The following GADL1 variants were observed in gnomAD, a reference collection of about 807,000 sequenced individuals.
The protein encoded by GADL1 is acidic amino acid decarboxylase GADL1.
A neutral mutation model predicts 69.5 loss-of-function variants in GADL1; 71 were observed. The ratio of observed to expected loss-of-function variants is 1.02; its 90% CI spans 0.84 to 1.25. The LOEUF is 1.25. Ranked by LOEUF, GADL1 falls within the 50% of genes most tolerant of loss-of-function variation. The pLI, the probability that GADL1 is intolerant of heterozygous loss-of-function variation, is 0.00. For missense variants in GADL1, 737 were observed against 631.8 expected, an observed-to-expected ratio of 1.17 and a Z score of -1.79; for synonymous variants, 254 against 214.4, an observed-to-expected ratio of 1.18 and a Z score of -1.62.
chr3:30,888,333 A>C (rs1254239514), intron 1 of GADL1, among the ~76,000 whole-genome samples: 1 of 152,176 alleles, frequency 6.6e-6, no homozygotes, highest in Admixed American at 6.5e-5. Context: ...TTACGAGTGT[A>C]CAAAATAATA....
intron 14 of GADL1, among the ~76,000 whole-genome samples, chr3:30,759,257 TTAATTATCTA>T (rs1367766975): frequency 1.0e-4 from 7 of 67,218 alleles, no homozygotes; most frequent in Non-Finnish European, 2.7e-4. Flanking sequence ...ATGTAAATCT[TTAATTATCTA>T]TAAATCTTTT....
At chr3:30,878,114 T>G (rs561485540) in intron 1 of GADL1, among the ~76,000 whole-genome samples, 12 of 152,066 alleles carry the variant, frequency 7.9e-5, no homozygotes, top group Admixed American at 2.6e-4. Flanking sequence ...TAGCCCTGAC[T>G]CTGGCCCCCA....
chr3:30,859,512 G>A (rs2125536043), intron 2 of GADL1, among the ~76,000 whole-genome samples: 1 of 151,958 alleles, frequency 6.6e-6, no homozygotes, highest in Middle Eastern at 3.4e-3. Context: ...CTAGAGGAAA[G>A]GGGAGGATTG....
chr3:30,806,135 C>T (rs1473827215), intron 11 of GADL1, among the ~76,000 whole-genome samples: 1 of 152,048 alleles, frequency 6.6e-6, no homozygotes, highest in African/African-American at 2.4e-5. Context: ...TTTTTCAGCT[C>T]ATCAAAGAAA....
At chr3:30,808,972 A>C (rs1394780842) in intron 11 of GADL1, among the ~76,000 whole-genome samples, 1 of 152,208 alleles carries the variant, frequency 6.6e-6, no homozygotes, top group East Asian at 1.9e-4. Context: ...AGTCTCATGC[A>C]CAGTGACTAA....
At chr3:30,773,441 T>C (rs1318602100) in intron 14 of GADL1, among the ~76,000 whole-genome samples, 2 of 152,162 alleles carry the variant, frequency 1.3e-5, no homozygotes, top group Non-Finnish European at 2.9e-5. Flanking sequence ...ATAGAAAATT[T>C]TCAAATTGCA....
chr3:30,818,057 A>G (rs1468879391), intron 11 of GADL1, among the ~76,000 whole-genome samples: 1 of 152,202 alleles, frequency 6.6e-6, no homozygotes, highest in African/African-American at 2.4e-5. Context: ...CATTGTAGAC[A>G]CAATTTAGCC....
At chr3:30,816,535 T>TAA (rs1559507835) in intron 11 of GADL1, among the ~76,000 whole-genome samples, 693 of 46,350 alleles carry the variant, frequency 0.015, 32 homozygotes, top group African/African-American at 0.079. Flanking sequence ...GTTTTCTTTT[T>TAA]TTTTTTTTTT....
intron 14 of GADL1, among the ~76,000 whole-genome samples, chr3:30,762,596 A>G (rs1268654334): frequency 6.6e-6 from 1 of 152,194 alleles, no homozygotes; most frequent in African/African-American, 2.4e-5. Flanking sequence ...ACATTCCCTC[A>G]AGCATTTATC....
rs767036248 is a variant in GADL1, at chr3:30,840,890, AAC to A, written c.787-1779_787-1778del. 7.8e-4 allele frequency among the ~76,000 whole-genome samples: 119 copies of A among 152,378 alleles called. No individual in the cohort carries two copies. In the Middle Eastern group the frequency reaches 0.01, roughly 13 times the overall value. Reference sequence around the variant, plus strand: ...TTGTCTAAGAAAATTTGTCATTTCTAACACAACTCTAACAAAATGTCTCTAAA... The same window carrying A: ...TTGTCTAAGAAAATTTGTCATTTCTAACAACTCTAACAAAATGTCTCTAAA... On this transcript the variant is annotated intron_variant, in intron 8 of 14. Transcript: ENST00000282538.
intron 14 of GADL1, among the ~76,000 whole-genome samples, chr3:30,758,393 C>T (rs1696031856): frequency 1.4e-5 from 2 of 144,342 alleles, no homozygotes; most frequent in Non-Finnish European, 3.0e-5. Context: ...ATTTCCTACA[C>T]TTTGCTCCGT....
At chr3:30,752,685 G>A (rs1220717238) in intron 14 of GADL1, among the ~76,000 whole-genome samples, 3 of 152,174 alleles carry the variant, frequency 2.0e-5, no homozygotes. Flanking sequence ...AGTAGCAGAA[G>A]GGAGAAAGTG....
chr3:30,855,624 A>G (rs1373625967), intron 3 of GADL1, among the ~76,000 whole-genome samples: 1 of 151,954 alleles, frequency 6.6e-6, no homozygotes, highest in Admixed American at 6.6e-5. Flanking sequence ...CCCCCCTCCT[A>G]TAAAAGGTCT....
At chr3:30,806,425 G>T (rs568143460) in intron 11 of GADL1, among the ~76,000 whole-genome samples, 25 of 152,294 alleles carry the variant, frequency 1.6e-4, no homozygotes, top group African/African-American at 6.0e-4. Context: ...AGACTTGGCT[G>T]TAATCTAAAA....
chr3:30,793,476 C>T (rs1482478671), intron 12 of GADL1, among the ~76,000 whole-genome samples: 1 of 152,122 alleles, frequency 6.6e-6, no homozygotes, highest in Non-Finnish European at 1.5e-5. Context: ...TATCAAAAGG[C>T]ATTCAAGTAA....
At position 30,821,424 on chromosome 3, in the gene GADL1, C is replaced by T. The variant is rs867959813; in HGVS notation, c.1050+12429G>A. 5.3e-5 allele frequency among the ~76,000 whole-genome samples: 8 copies of T among 151,798 alleles called. No homozygotes were observed. In the Middle Eastern group the frequency reaches 0.017, roughly 323 times the overall value. ...TTTTTTTTCTCTTTTTTTATACACA[C>T]GGCAGAGGAGGAAGCAGTAGATATG... is the stretch of plus-strand genomic sequence containing the variant. On this transcript the variant is annotated intron_variant, in intron 11 of 14. Coordinates refer to ENST00000282538, the MANE Select transcript of GADL1 (RefSeq NM_207359.3).
chr3:30,858,104 C>G (rs1016307426), intron 2 of GADL1, among the ~76,000 whole-genome samples: 1 of 152,002 alleles, frequency 6.6e-6, no homozygotes, highest in African/African-American at 2.4e-5. Context: ...CTCTAATATA[C>G]TGTTACTTAT....
chr3:30,826,246 T>C (rs781322298), intron 11 of GADL1, among the ~76,000 whole-genome samples: 1 of 151,976 alleles, frequency 6.6e-6, no homozygotes, highest in Non-Finnish European at 1.5e-5. Flanking sequence ...ATTTTTCAAC[T>C]GCTGGTCTTT....
At chr3:30,855,950 T>G (rs557303280) in intron 3 of GADL1, among the ~76,000 whole-genome samples, 1 of 150,346 alleles carries the variant, frequency 6.7e-6, no homozygotes, top group East Asian at 1.9e-4. Flanking sequence ...AAAACGGCAT[T>G]GCTACAAGTA....
Sources: allele counts gnomAD v4.1 joint callset (sites outside exome capture counted in the v4.1 genomes callset), GRCh38; gene constraint gnomAD v4.1.1; transcripts MANE v1.5; gene names NCBI Gene and HGNC (gene_info 2026-07-23, HGNC 2026-07-21).